The following ZNF280D variants were observed in gnomAD, a reference collection of about 807,000 sequenced individuals.
ZNF280D encodes the protein suppressor of hairy wing homolog 4.
In ZNF280D, 39 loss-of-function variants were observed where a neutral mutation model predicts 94.7. The ratio of observed to expected loss-of-function variants is 0.41; its 90% CI spans 0.32 to 0.54. The LOEUF (loss-of-function observed/expected upper bound fraction) is 0.54. Ranked by LOEUF, ZNF280D falls within the 20% of genes least tolerant of loss-of-function variation. The probability of loss-of-function intolerance (pLI) is 0.22; values close to 1 mark genes in which losing one functional copy is unlikely to be tolerated. For synonymous variants in ZNF280D, 398 were observed against 377.6 expected (o/e 1.05, Z -0.63); for missense variants, 1,090 against 1,149.3 (o/e 0.95, Z 0.75).
At chr15:56,723,313 A>G (rs1337393785) in intron 1 of ZNF280D, among the ~76,000 whole-genome samples, 1 of 152,208 alleles carries the variant, frequency 6.6e-6, no homozygotes, top group African/African-American at 2.4e-5. Context: ...AATTTTTTAA[A>G]ATGAAGTACT....
chr15:56,704,154 C>T lies in ZNF280D; in HGVS notation c.142G>A (p.Gly48Ser). The change falls in exon 4 of 22, where the codon GGC (glycine) becomes AGC (serine). Residue 48 changes from glycine to serine, a missense_variant. By Grantham distance (56) the Gly-to-Ser change is moderately conservative. Around this residue, in one of 3 missense-constraint regions of ZNF280D, gnomAD observed 386 missense variants for 372.0 expected, o/e 1.04. Coordinates refer to ENST00000267807, the MANE Select transcript of ZNF280D (RefSeq NM_017661.4). ...DDDDDEPIFV[G>S]EISSSKPAIS... is the part of the protein sequence containing the mutation. ...GCTGGTTTTGAACTTGATATCTCGC[C>T]AACAAAGATTGGCTCATCATCATCG... The T allele has an allele frequency of 6.2e-7, 1 of 1,613,712 alleles. No homozygotes were observed. The highest frequency in any genetic ancestry group is 8.5e-7 in the Non-Finnish European group (1 of 1,179,902).
At chr15:56,654,739 C>T (rs1485948516) in intron 17 of ZNF280D, 2 of 551,420 alleles carry the variant, frequency 3.6e-6, no homozygotes, top group Admixed American at 2.2e-5. Flanking sequence ...ACCTGTCATA[C>T]CAATTGTTAA....
At chr15:56,665,938 C>A (rs1357832276) in intron 16 of ZNF280D, among the ~76,000 whole-genome samples, 2 of 152,070 alleles carry the variant, frequency 1.3e-5, no homozygotes, top group African/African-American at 2.4e-5. Context: ...CAGTTTGAGA[C>A]CAGCCTGGCC....
chr15:56,644,521 T>C (rs2052784297), intron 19 of ZNF280D, among the ~76,000 whole-genome samples: 1 of 152,162 alleles, frequency 6.6e-6, no homozygotes, highest in South Asian at 2.1e-4. Context: ...TTAGTCATTT[T>C]AAATTCAGTT....
chr15:56,669,911 AT>A (rs2054630074), intron 13 of ZNF280D, among the ~76,000 whole-genome samples: 1 of 6,944 alleles, frequency 1.4e-4, no homozygotes, highest in Non-Finnish European at 2.7e-4. Context: ...TAATATATAT[AT>A]ATTATATATA....
intron 16 of ZNF280D, among the ~76,000 whole-genome samples, chr15:56,658,747 A>G (rs1213889803): frequency 1.3e-5 from 2 of 152,168 alleles, no homozygotes; most frequent in Non-Finnish European, 2.9e-5. Flanking sequence ...TAAAAAAGGA[A>G]ATACTGAGAA....
chr15:56,644,596 T>C (rs1427301087), intron 19 of ZNF280D, among the ~76,000 whole-genome samples: 1 of 152,170 alleles, frequency 6.6e-6, no homozygotes, highest in African/African-American at 2.4e-5. Flanking sequence ...CCTCAACTTA[T>C]CGTAGTAAAT....
At position 56,653,407 on chromosome 15, in the gene ZNF280D, G is replaced by T. The variant is rs943730485; in HGVS notation, c.2213+791C>A. ...CTGGCCAAACAACATCAGCCTTATG[G>T]GAGGCCAGCCATGTAGAAAGGGAGT... is the stretch of plus-strand genomic sequence containing the variant. On this transcript the variant is annotated intron_variant, in intron 19 of 21. Coordinates refer to ENST00000267807, the MANE Select transcript of ZNF280D (RefSeq NM_017661.4). The T allele has an allele frequency of 1.2e-5, 16 of 1,365,620 alleles. No homozygotes were observed. The African/African-American group carries it at 2.0e-4, about 17-fold the overall frequency. 84.6% of individuals were successfully genotyped at this position (1,365,620 alleles called of 1,614,324 possible). A position where few individuals can be genotyped will look rare whatever the true frequency, so the allele number is the denominator to read the frequency against.
At chr15:56,719,886 T>TAAA (rs35398429) in intron 1 of ZNF280D, among the ~76,000 whole-genome samples, 10 of 101,714 alleles carry the variant, frequency 9.8e-5, no homozygotes, top group Middle Eastern at 4.9e-3. Context: ...ACTTTATTGC[T>TAAA]AAAAAAAAAA....
chr15:56,724,239 G>A (rs1382260174), intron 1 of ZNF280D, among the ~76,000 whole-genome samples: 1 of 152,152 alleles, frequency 6.6e-6, no homozygotes, highest in Non-Finnish European at 1.5e-5. Flanking sequence ...CCAGATTTTT[G>A]CTTTCATCTC....
rs115036174 is a variant in ZNF280D at position 56,715,593 on chromosome 15, C to T, written c.-85-8287G>A. ...ATACATGTAAACTAGCAGAATGAGG[C>T]TTTACCCAGTCTGTCCCTGGATCTA... On this transcript the variant is annotated intron_variant, in intron 1 of 21. Transcript: ENST00000267807. 8.2e-3 allele frequency among the ~76,000 whole-genome samples: 1,255 copies of T among 152,164 alleles called. 13 individuals carry two copies. The highest frequency in any genetic ancestry group is 0.029 in the African/African-American group (1,195 of 41,528).
chr15:56,639,809 T>C (rs2052536830), intron 20 of ZNF280D, among the ~76,000 whole-genome samples: 1 of 152,038 alleles, frequency 6.6e-6, no homozygotes, highest in Non-Finnish European at 1.5e-5. Flanking sequence ...AAATGAGGAA[T>C]AATTCATGGT....
chr15:56,650,753 A>C (rs2053160285), intron 19 of ZNF280D, among the ~76,000 whole-genome samples: 2 of 152,182 alleles, frequency 1.3e-5, no homozygotes. Context: ...TCAAACCTTT[A>C]CTTCTATTTT....
chr15:56,686,320 G>T (rs1363510513), intron 9 of ZNF280D, among the ~76,000 whole-genome samples: 1 of 152,138 alleles, frequency 6.6e-6, no homozygotes, highest in Non-Finnish European at 1.5e-5. Flanking sequence ...TGTATTTTTA[G>T]TAGAGATGGG....
chr15:56,649,478 C>T (rs368554145), intron 19 of ZNF280D, among the ~76,000 whole-genome samples: 1 of 152,104 alleles, frequency 6.6e-6, no homozygotes, highest in Admixed American at 6.6e-5. Flanking sequence ...AACTATTTTA[C>T]AGTTCCTAAA....
chr15:56,663,594 G>A (rs1194108579), intron 16 of ZNF280D, among the ~76,000 whole-genome samples: 1 of 152,072 alleles, frequency 6.6e-6, no homozygotes, highest in African/African-American at 2.4e-5. Flanking sequence ...TTGAGAAAAA[G>A]ACAAAAAGAC....
At chr15:56,728,672 A>T (rs577029425) in intron 1 of ZNF280D, among the ~76,000 whole-genome samples, 1 of 152,320 alleles carries the variant, frequency 6.6e-6, no homozygotes, top group South Asian at 2.1e-4. Flanking sequence ...TCTTGTATGA[A>T]AGTTGCTAAG....
chr15:56,661,135 G>A (rs1412039702), intron 16 of ZNF280D, among the ~76,000 whole-genome samples: 4 of 152,138 alleles, frequency 2.6e-5, no homozygotes, highest in African/African-American at 7.2e-5. Flanking sequence ...AAGACAGATG[G>A]GGTAGAAGCC....
intron 6 of ZNF280D, chr15:56,700,337 G>T: frequency 2.3e-6 from 1 of 442,472 alleles, no homozygotes; most frequent in Non-Finnish European, 3.0e-6. Context: ...AAAAAATGAG[G>T]ATAATAATAG....
Sources: gnomAD v4.1 joint callset for allele counts (sites outside exome capture counted in the v4.1 genomes callset) on GRCh38, gnomAD v4.1.1 for gene constraint, gnomAD v4.1.1 regional missense constraint, MANE v1.5 for transcripts, NCBI Gene and HGNC (gene_info 2026-07-23, HGNC 2026-07-21) for gene names.